The following SLC39A11 variants were observed in gnomAD, a reference collection of about 807,000 sequenced individuals.
SLC39A11 encodes zinc transporter ZIP11.
SLC39A11 carries 33 observed loss-of-function variants against 36.1 expected under a neutral mutation model. The ratio of observed to expected loss-of-function variants is 0.91; its 90% CI spans 0.69 to 1.22. The LOEUF (loss-of-function observed/expected upper bound fraction) is 1.22. Among genes scored for constraint, SLC39A11 ranks in the 50% most tolerant of loss-of-function variants. The pLI, the probability that SLC39A11 is intolerant of heterozygous loss-of-function variation, is 0.00. For synonymous variants in SLC39A11, 166 were observed against 170.3 expected, an observed-to-expected ratio of 0.97 and a Z score of 0.20; for missense variants, 432 against 430.3, an observed-to-expected ratio of 1.00 and a Z score of -0.03.
rs34172959 is a variant in SLC39A11, at chr17:72,800,303, ATTTTTTTT to A, written c.601+49323_601+49330del. Reference sequence around the variant, plus strand: ...CACAAGGACCAGGAAACCTACAATAATTTTTTTTTTTTTTTTTTTTTTTTTGAGATGGA... The same window carrying A: ...CACAAGGACCAGGAAACCTACAATAATTTTTTTTTTTTTTTTTGAGATGGA... On this transcript the variant is annotated intron_variant, in intron 6 of 9. Coordinates refer to ENST00000255559, the MANE Select transcript of SLC39A11 (RefSeq NM_139177.4). Among the ~76,000 whole-genome samples the A allele has an allele frequency of 3.1e-3, 282 of 90,376 alleles. 1 individual carries two copies. The highest frequency in any genetic ancestry group is 0.01 in the African/African-American group (263 of 25,742). 59.3% of individuals were successfully genotyped at this position (90,376 alleles called of 152,430 possible). A position where few individuals can be genotyped will look rare whatever the true frequency, so the allele number is the denominator to read the frequency against.
rs192929390 is a variant in SLC39A11 at position 73,085,461 on chromosome 17, C to T, written c.109-615G>A. Among the ~76,000 whole-genome samples, 25 of 152,188 alleles carry T rather than the reference C, an allele frequency of 1.6e-4. No individual in the cohort carries two copies. The East Asian group carries it at 3.5e-3, about 21-fold the overall frequency. On this transcript the variant is annotated intron_variant, in intron 2 of 9. Transcript: ENST00000255559. ...AGGAATCTGAGGTCAGCCTGGCTAA[C>T]GTGGTGAAACTCCATCTCTACTAAA...
At chr17:72,963,267 T>C (rs2086747094) in intron 4 of SLC39A11, among the ~76,000 whole-genome samples, 1 of 144,086 alleles carries the variant, frequency 6.9e-6, no homozygotes, top group Admixed American at 7.5e-5. Flanking sequence ...GCCTCCCGGG[T>C]TCACGCCATT....
At chr17:72,731,381 A>G (rs2074207774) in intron 7 of SLC39A11, among the ~76,000 whole-genome samples, 2 of 152,112 alleles carry the variant, frequency 1.3e-5, no homozygotes, top group African/African-American at 4.8e-5. Context: ...TCTCATGTGG[A>G]ATTGTAATCC....
At chr17:72,718,219 G>A (rs758903813) in intron 7 of SLC39A11, among the ~76,000 whole-genome samples, 9 of 152,020 alleles carry the variant, frequency 5.9e-5, no homozygotes, top group Non-Finnish European at 1.0e-4. Flanking sequence ...AGGCTGAGGC[G>A]GACGGATCTT....
intron 6 of SLC39A11, among the ~76,000 whole-genome samples, chr17:72,766,249 C>A (rs2144625764): frequency 6.6e-6 from 1 of 152,290 alleles, no homozygotes; most frequent in African/African-American, 2.4e-5. Flanking sequence ...GTGATGCTGG[C>A]TGTCACTGTC....
intron 6 of SLC39A11, among the ~76,000 whole-genome samples, chr17:72,742,198 A>G (rs371892185): frequency 0.028 from 1,356 of 49,018 alleles, 22 homozygotes; most frequent in African/African-American, 0.12. Context: ...GTGAGACTCC[A>G]TCTCAAAAAA....
At chr17:72,970,944 G>A (rs1425714338) in intron 4 of SLC39A11, among the ~76,000 whole-genome samples, 1 of 152,222 alleles carries the variant, frequency 6.6e-6, no homozygotes, top group Non-Finnish European at 1.5e-5. Context: ...CACCTCCGCT[G>A]GGTGTCTGGG....
chr17:72,964,247 G>A (rs1402955084), intron 4 of SLC39A11, among the ~76,000 whole-genome samples: 3 of 152,184 alleles, frequency 2.0e-5, no homozygotes, highest in African/African-American at 7.2e-5. Context: ...GAATTAATAT[G>A]CTAATTTGCT....
rs557699942 is a variant in SLC39A11 at position 73,048,688 on chromosome 17, C to CT, written c.148-16975dup. 6.2e-3 allele frequency among the ~76,000 whole-genome samples: 951 copies of CT among 152,308 alleles called. 14 individuals carry two copies. Among genetic ancestry groups the CT allele is most frequent in the Middle Eastern group, 0.031 (9 of 294 alleles). On this transcript the variant is annotated intron_variant, in intron 3 of 9. Coordinates refer to ENST00000255559, the MANE Select transcript of SLC39A11 (RefSeq NM_139177.4). ...CACCATCCTACCTCCTGAGGTGGAG[C>CT]TTATCTCCTAGGGTGGTGGTAAGGA... is the stretch of plus-strand genomic sequence containing the variant.
At chr17:72,881,302 C>G in intron 5 of SLC39A11, among the ~76,000 whole-genome samples, 1 of 152,090 alleles carries the variant, frequency 6.6e-6, no homozygotes, top group East Asian at 1.9e-4. Flanking sequence ...TTGGTATATC[C>G]ATAAACAAAA....
At chr17:72,823,536 CATCCACTTGCCTCCCTCCA>C (rs1228406149) in intron 6 of SLC39A11, 1 of 151,440 alleles carries the variant, frequency 6.6e-6, no homozygotes, top group Non-Finnish European at 1.5e-5. Flanking sequence ...CCAAGCCATC[CATCCACTTGCCTCCCTCCA>C]AGCCACAAAG....
At chr17:73,033,669 T>G (rs771242408) in intron 3 of SLC39A11, among the ~76,000 whole-genome samples, 51 of 152,120 alleles carry the variant, frequency 3.4e-4, no homozygotes, top group Non-Finnish European at 6.0e-4. Flanking sequence ...TTGGCTAGAG[T>G]ACACCCACCA....
chr17:72,743,158 A>C (rs758860762), intron 6 of SLC39A11, among the ~76,000 whole-genome samples: 3 of 152,198 alleles, frequency 2.0e-5, no homozygotes, highest in African/African-American at 4.8e-5. Flanking sequence ...CCCAGTGAGC[A>C]GATGAAGAAA....
At chr17:72,893,058 C>A (rs2081840112) in intron 5 of SLC39A11, among the ~76,000 whole-genome samples, 2 of 152,144 alleles carry the variant, frequency 1.3e-5, no homozygotes, top group African/African-American at 4.8e-5. Context: ...GTTCCCTTGT[C>A]AAAAGGATCA....
chr17:73,084,437 CAAAAAAAAAAAAA>C (rs67639617), intron 3 of SLC39A11, among the ~76,000 whole-genome samples: 19 of 61,662 alleles, frequency 3.1e-4, no homozygotes, highest in African/African-American at 9.9e-4. Context: ...GGCTCTGTCT[CAAAAAAAAAAAAA>C]AAAAAAAAAA....
At chr17:72,837,940 G>A in intron 6 of SLC39A11, 1 of 1,229,930 alleles carries the variant, frequency 8.1e-7, no homozygotes, top group Non-Finnish European at 1.0e-6. Flanking sequence ...TTCCTCAGAG[G>A]TACTGCTCAA....
At chr17:73,041,967 C>T (rs1268592806) in intron 3 of SLC39A11, among the ~76,000 whole-genome samples, 1 of 152,090 alleles carries the variant, frequency 6.6e-6, no homozygotes, top group Non-Finnish European at 1.5e-5. Context: ...CTTTATAATG[C>T]TATTAATTTC....
At chr17:72,771,071 T>A (rs2075917059) in intron 6 of SLC39A11, among the ~76,000 whole-genome samples, 1 of 150,860 alleles carries the variant, frequency 6.6e-6, no homozygotes, top group African/African-American at 2.4e-5. Flanking sequence ...TTTTTTTTTT[T>A]ATGTGCGTGT....
intron 6 of SLC39A11, among the ~76,000 whole-genome samples, chr17:72,804,368 T>C (rs901200531): frequency 2.6e-5 from 4 of 152,026 alleles, no homozygotes; most frequent in Non-Finnish European, 5.9e-5. Context: ...CAGAGGAGGA[T>C]AGAAACCCTT....
Sources: gnomAD v4.1 joint callset for allele counts (sites outside exome capture counted in the v4.1 genomes callset) on GRCh38, gnomAD v4.1.1 for gene constraint, MANE v1.5 for transcripts, NCBI Gene and HGNC (gene_info 2026-07-23, HGNC 2026-07-21) for gene names.